Variants in CAPZA1 observed in about 807,000 individuals in gnomAD.
CAPZA1 encodes the protein capping actin protein of muscle Z-line subunit alpha 1, also known as F-actin-capping protein subunit alpha-1.
Under a neutral mutation model 40.8 loss-of-function variants are expected in CAPZA1, and 10 were observed. The ratio of observed to expected loss-of-function variants is 0.25; its 90% confidence interval spans 0.15 to 0.42. CAPZA1 has a LOEUF of 0.42. CAPZA1 is among the 10% of genes least tolerant of loss of function. CAPZA1 has a pLI of 1.00. For synonymous variants in CAPZA1, 98 were observed against 115.0 expected (o/e 0.85, Z 0.95); for missense variants, 277 against 353.8 (o/e 0.78, Z 1.74).
chr1:112,650,056 T>C (rs1236196903), intron 3 of CAPZA1: 1 of 152,374 alleles, frequency 6.6e-6, no homozygotes, highest in African/African-American at 2.4e-5. Flanking sequence ...AGGCTCCCTG[T>C]TGTCTGGCTT....
At position 112,640,488 on chromosome 1, in the gene CAPZA1, T is replaced by TG. The variant is rs1428486538; in HGVS notation, c.40-6715dup. ...CCAGCCGCCCAGTCCGGGAGGGAGG[T>TG]GGGGGGGTCAGCCCCCCGTCCGGGA... is the stretch of plus-strand genomic sequence containing the variant. On this transcript the variant is annotated intron_variant, in intron 1 of 9. Transcript: ENST00000263168. 3.0e-3 allele frequency among the ~76,000 whole-genome samples: 342 copies of TG among 115,332 alleles called. 5 individuals are homozygous for TG. The highest frequency in any genetic ancestry group is 0.011 in the African/African-American group (321 of 28,014). The allele number at this position is 115,332 out of a possible 152,430, so 75.7% of individuals were successfully genotyped here.
At chr1:112,659,543 G>C (rs1220209231) in intron 6 of CAPZA1, 158 bp from the exon 7 acceptor site, 3 of 614,644 alleles carry the variant, frequency 4.9e-6, no homozygotes, top group Non-Finnish European at 2.9e-6. Context: ...AGTAGACAGA[G>C]CTTTGGGTTT....
chr1:112,669,189 G>T (rs1671781779), intron 8 of CAPZA1, among the ~76,000 whole-genome samples: 1 of 152,210 alleles, frequency 6.6e-6, no homozygotes, highest in African/African-American at 2.4e-5. Flanking sequence ...AGGCATCAAG[G>T]TTTCAAGACT....
In CAPZA1 at chr1:112,670,074, A is replaced by G. The variant is rs1671799508; in HGVS notation, c.803A>G (p.Lys268Arg). 6.2e-7 allele frequency: 1 copy of G among 1,613,890 alleles called. No individual in the cohort carries two copies. The highest frequency in any genetic ancestry group is 1.1e-5 in the South Asian group (1 of 91,080). Reference protein sequence around the residue: ...LRRQLPVTRTKIDWNKILSYK... With the variant: ...LRRQLPVTRTRIDWNKILSYK... ...CGGCAGCTTCCAGTTACCCGCACCAAAATCGACTGGAACAAGATACTCAGC... is the reference window on the plus strand; with the variant it reads ...CGGCAGCTTCCAGTTACCCGCACCAGAATCGACTGGAACAAGATACTCAGC... The change falls in exon 10 of 10, where the codon AAA (lysine) becomes AGA (arginine). Residue 268 changes from lysine (K) to arginine (R), a missense_variant. By Grantham distance (26) the Lys-to-Arg change is conservative (BLOSUM62 2). Transcript: ENST00000263168.
chr1:112,642,202 C>CTTTTTTTTTTTTTT (rs770352173), intron 1 of CAPZA1, among the ~76,000 whole-genome samples: 1 of 59,008 alleles, frequency 1.7e-5, no homozygotes, highest in African/African-American at 7.2e-5. Flanking sequence ...TACCCCGCAC[C>CTTTTTTTTTTTTTT]TTTTTTTTTT....
At chr1:112,647,351 C>G (rs1012293196) in intron 2 of CAPZA1, 78 bp downstream of exon 2, 2 of 752,436 alleles carry the variant, frequency 2.7e-6, no homozygotes, top group Non-Finnish European at 4.0e-6. Flanking sequence ...TTAATTCTTA[C>G]GACTTGTTGT....
At chr1:112,630,711 G>A (rs928913172) in intron 1 of CAPZA1, among the ~76,000 whole-genome samples, 5 of 152,040 alleles carry the variant, frequency 3.3e-5, no homozygotes, top group Non-Finnish European at 5.9e-5. Context: ...TGGCTCAAGC[G>A]GTCCTCCTGC....
chr1:112,660,253 A>AGATT lies in CAPZA1; in HGVS notation c.585+497_585+500dup, dbSNP rs565085824. On this transcript the variant is annotated intron_variant, in intron 7 of 9. Transcript: ENST00000263168. ...GGAATATAAATAGCCAAGCAGAAGT[A>AGATT]GATTGATTGATTGATTGATTGATTG... is the stretch of plus-strand genomic sequence containing the variant. Among the ~76,000 whole-genome samples the AGATT allele has an allele frequency of 4.2e-3, 633 of 151,798 alleles. 3 individuals carry two copies. The highest frequency in any genetic ancestry group is 0.01 in the Middle Eastern group (3 of 294).
intron 1 of CAPZA1, among the ~76,000 whole-genome samples, chr1:112,645,813 T>G (rs967178699): frequency 2.0e-5 from 3 of 151,898 alleles, no homozygotes; most frequent in Non-Finnish European, 2.9e-5. Flanking sequence ...AAATAATTGT[T>G]ATGCTGGGCC....
chr1:112,646,730 G>T (rs1265505120), intron 1 of CAPZA1: 1 of 149,414 alleles, frequency 6.7e-6, no homozygotes. Flanking sequence ...ATTGGAGTAG[G>T]TGTTAATTTT....
rs58051216 is a variant in CAPZA1, at chr1:112,670,362, C to CTTTTTTTTTTTTTT, written c.*236_*249dup. On this transcript the variant is annotated 3_prime_UTR_variant, in exon 10 of 10. Coordinates refer to ENST00000263168, the MANE Select transcript of CAPZA1 (RefSeq NM_006135.3). ...TATATCTACGTGTAAATCTTTTTTT[C>CTTTTTTTTTTTTTT]TTTTTTTTTTTTTTTTTTTGGTTAA... 2.6e-4 allele frequency: 39 copies of CTTTTTTTTTTTTTT among 150,224 alleles called. No individual in the cohort carries two copies. The highest frequency in any genetic ancestry group is 3.5e-4 in the Non-Finnish European group (29 of 83,046). 9.3% of individuals were successfully genotyped at this position (150,224 alleles called of 1,614,324 possible). A position where few individuals can be genotyped will look rare whatever the true frequency, so the allele number is the denominator to read the frequency against.
At chr1:112,651,497 A>G (rs533245345) in intron 3 of CAPZA1, among the ~76,000 whole-genome samples, 1 of 152,308 alleles carries the variant, frequency 6.6e-6, no homozygotes, top group South Asian at 2.1e-4. Flanking sequence ...AGTAGAGCCT[A>G]CAAGATTTAC....
At chr1:112,650,110 T>C (rs1319182098) in intron 3 of CAPZA1, 1 of 152,380 alleles carries the variant, frequency 6.6e-6, no homozygotes, top group Non-Finnish European at 1.5e-5. Context: ...TTTCAGTTGC[T>C]GTCTACCCAA....
intron 1 of CAPZA1, chr1:112,620,177 T>G (rs910684086): frequency 1.1e-4 from 35 of 323,112 alleles, no homozygotes; most frequent in African/African-American, 7.1e-4. Flanking sequence ...TGGACTTTTT[T>G]CTGTAATTTT....
At chr1:112,656,025 TA>T (rs1333185625) in intron 5 of CAPZA1, among the ~76,000 whole-genome samples, 2 of 152,264 alleles carry the variant, frequency 1.3e-5, no homozygotes, top group Admixed American at 1.3e-4. Context: ...TTGAAATATG[TA>T]TACATTGTGG....
chr1:112,665,836 G>C (rs1408678550), intron 7 of CAPZA1, among the ~76,000 whole-genome samples: 2 of 152,092 alleles, frequency 1.3e-5, no homozygotes, highest in East Asian at 1.9e-4. Flanking sequence ...ATTTTGGGAA[G>C]GTACCAACAT....
At chr1:112,633,394 T>A (rs1670959029) in intron 1 of CAPZA1, among the ~76,000 whole-genome samples, 1 of 152,212 alleles carries the variant, frequency 6.6e-6, no homozygotes, top group Admixed American at 6.5e-5. Flanking sequence ...TTCAGGTCCA[T>A]CCTTGTTGTT....
intron 1 of CAPZA1, 95 bp from the exon 2 acceptor site, chr1:112,647,115 A>G (rs1315381548): frequency 1.5e-5 from 9 of 585,300 alleles, no homozygotes; most frequent in South Asian, 3.9e-5. Context: ...ATTTTTTTCA[A>G]GGGATATGAT....
At chr1:112,659,172 A>G in intron 6 of CAPZA1, 71 bp downstream of exon 6, 2 of 964,780 alleles carry the variant, frequency 2.1e-6, no homozygotes, top group East Asian at 2.4e-5. Context: ...TTTTAATCCA[A>G]CTAGCTTGGA....
Sources: allele counts gnomAD v4.1 joint callset (sites outside exome capture counted in the v4.1 genomes callset), GRCh38; gene constraint gnomAD v4.1.1; transcripts MANE v1.5; gene names NCBI Gene and HGNC (gene_info 2026-07-23, HGNC 2026-07-21).